Variants in MAGI2 observed in about 807,000 individuals in gnomAD.
MAGI2 encodes the protein membrane associated guanylate kinase, WW and PDZ domain containing 2.
MAGI2 carries 35 observed loss-of-function variants against 133.3 expected under a neutral mutation model. The observed-to-expected ratio is 0.26, with a 90% CI of 0.20 to 0.35. The LOEUF (loss-of-function observed/expected upper bound fraction) is 0.35, where lower values mean the gene tolerates loss of function less well. Among genes scored for constraint, MAGI2 ranks in the 10% least tolerant of loss-of-function variants. MAGI2 has a pLI of 1.00. For missense variants in MAGI2, 1,636 were observed against 1,863.4 expected (o/e 0.88, Z 2.25); for synonymous variants, 729 against 710.6 (o/e 1.03, Z -0.41).
chr7:79,271,891 C>T (rs112317804), intron 1 of MAGI2, among the ~76,000 whole-genome samples: 5,329 of 152,072 alleles, frequency 0.035, 131 homozygotes, highest in African/African-American at 0.063. Context: ...CCACCACAGT[C>T]TTCAAAGGAT....
intron 2 of MAGI2, among the ~76,000 whole-genome samples, chr7:78,931,485 G>A (rs567511426): frequency 6.6e-6 from 1 of 152,068 alleles, no homozygotes; most frequent in Non-Finnish European, 1.5e-5. Flanking sequence ...TGGACAGTGG[G>A]ACTTCTCTGA....
At chr7:79,215,477 A>AG (rs1829947217) in intron 1 of MAGI2, among the ~76,000 whole-genome samples, 1 of 151,950 alleles carries the variant, frequency 6.6e-6, no homozygotes, top group Non-Finnish European at 1.5e-5. Flanking sequence ...TTCTTCGGGG[A>AG]GGCTTGATGT....
intron 3 of MAGI2, among the ~76,000 whole-genome samples, chr7:78,522,610 C>T (rs1796601871): frequency 6.6e-6 from 1 of 152,134 alleles, no homozygotes; most frequent in Admixed American, 6.5e-5. Context: ...AAACTCCTGA[C>T]CTCAAATGAT....
chr7:79,003,378 T>C (rs1807092042), intron 2 of MAGI2, among the ~76,000 whole-genome samples: 1 of 152,220 alleles, frequency 6.6e-6, no homozygotes, highest in Non-Finnish European at 1.5e-5. Context: ...ATTTATTTAC[T>C]CTTATATAGT....
At chr7:78,288,149 C>A (rs933307460) in intron 9 of MAGI2, among the ~76,000 whole-genome samples, 7 of 152,248 alleles carry the variant, frequency 4.6e-5, no homozygotes, top group African/African-American at 9.6e-5. Context: ...CATTTCCAGG[C>A]CTGTAAATCC....
chr7:79,194,990 C>T (rs544555502), intron 1 of MAGI2, among the ~76,000 whole-genome samples: 1 of 152,022 alleles, frequency 6.6e-6, no homozygotes, highest in Admixed American at 6.6e-5. Flanking sequence ...TTAGGAGAAG[C>T]TCTTGGGCAA....
At chr7:78,441,346 T>C (rs1787611477) in intron 6 of MAGI2, among the ~76,000 whole-genome samples, 1 of 152,202 alleles carries the variant, frequency 6.6e-6, no homozygotes, top group Non-Finnish European at 1.5e-5. Context: ...CTAAGATTTA[T>C]AGAAATTTGT....
chr7:78,031,047 C>T (rs2428924), intron 21 of MAGI2, among the ~76,000 whole-genome samples: 37,665 of 152,128 alleles, frequency 0.25, 7,086 homozygotes, highest in East Asian at 0.64. Flanking sequence ...ATGGAACAAG[C>T]GACTTATACA....
chr7:79,417,583 G>A (rs1467281961), intron 1 of MAGI2, among the ~76,000 whole-genome samples: 1 of 152,042 alleles, frequency 6.6e-6, no homozygotes, highest in Admixed American at 6.6e-5. Flanking sequence ...TGTTATCTTA[G>A]ACTGAACTAA....
Position 78,328,532 on chromosome 7 carries a change from C to CCTCT in MAGI2, c.1408+15242_1408+15245dup, listed in dbSNP as rs71085524. Among the ~76,000 whole-genome samples the CCTCT allele has an allele frequency of 2.5e-3, 334 of 133,488 alleles. 26 individuals carry two copies. The highest frequency in any genetic ancestry group is 4.0e-3 in the Middle Eastern group (1 of 252). The allele number at this position is 133,488 out of a possible 152,430, so 87.6% of individuals were successfully genotyped here. On this transcript the variant is annotated intron_variant, in intron 9 of 21. Transcript: ENST00000354212. The stretch of plus-strand genomic sequence containing the variant: ...ACACACACACACACACACACACACC[C>CCTCT]CTCTCTCTCTCTCTCTTACTTTATT...
intron 1 of MAGI2, among the ~76,000 whole-genome samples, chr7:79,221,962 T>C (rs1238501980): frequency 1.3e-5 from 2 of 152,048 alleles, no homozygotes; most frequent in African/African-American, 4.8e-5. Context: ...CTACAGTTTA[T>C]AAATGAGAAT....
chr7:78,842,963 CA>C (rs1439379720), intron 2 of MAGI2, among the ~76,000 whole-genome samples: 2 of 151,324 alleles, frequency 1.3e-5, no homozygotes, highest in Non-Finnish European at 3.0e-5. Flanking sequence ...ATTGCAAGTC[CA>C]AAAAAAGCTT....
chr7:79,235,633 T>A (rs1249716200), intron 1 of MAGI2, among the ~76,000 whole-genome samples: 1 of 152,220 alleles, frequency 6.6e-6, no homozygotes, highest in Non-Finnish European at 1.5e-5. Context: ...AGTGAGGCAA[T>A]GCCTTGCCCT....
intron 1 of MAGI2, among the ~76,000 whole-genome samples, chr7:79,084,840 T>A (rs2129542128): frequency 6.6e-6 from 1 of 151,972 alleles, no homozygotes; most frequent in South Asian, 2.1e-4. Flanking sequence ...TTTTTTAATT[T>A]AAATTTTGAA....
intron 2 of MAGI2, among the ~76,000 whole-genome samples, chr7:78,672,981 T>G (rs768041916): frequency 6.6e-6 from 1 of 152,166 alleles, no homozygotes; most frequent in Non-Finnish European, 1.5e-5. Context: ...GGAATAAATG[T>G]TTAGCCTTCT....
At chr7:79,444,133 T>C (rs1178189026) in intron 1 of MAGI2, among the ~76,000 whole-genome samples, 2 of 152,184 alleles carry the variant, frequency 1.3e-5, no homozygotes, top group South Asian at 2.1e-4. Flanking sequence ...CTAAAAACTC[T>C]CAATAAATTA....
At chr7:78,100,258 G>A (rs895212558) in intron 20 of MAGI2, among the ~76,000 whole-genome samples, 3 of 152,166 alleles carry the variant, frequency 2.0e-5, no homozygotes, top group Non-Finnish European at 2.9e-5. Context: ...CAGGAGGGCT[G>A]CTTTTTCCCC....
At chr7:78,220,293 C>T (rs772548645) in intron 10 of MAGI2, among the ~76,000 whole-genome samples, 14 of 152,322 alleles carry the variant, frequency 9.2e-5, no homozygotes, top group Non-Finnish European at 1.8e-4. Context: ...GAAATGCTGT[C>T]ACCACTCTTT....
At chr7:79,059,337 G>A (rs1318509176) in intron 1 of MAGI2, among the ~76,000 whole-genome samples, 1 of 151,958 alleles carries the variant, frequency 6.6e-6, no homozygotes, top group East Asian at 1.9e-4. Context: ...ACAACCTCTG[G>A]CATATCAAAA....
Sources: allele counts gnomAD v4.1 joint callset (sites outside exome capture counted in the v4.1 genomes callset), GRCh38; gene constraint gnomAD v4.1.1; transcripts MANE v1.5; gene names NCBI Gene and HGNC (gene_info 2026-07-23, HGNC 2026-07-21).